Variants in LAMC3 observed in about 807,000 individuals in gnomAD.
LAMC3 encodes the protein laminin subunit gamma-3.
A neutral mutation model predicts 173.8 loss-of-function variants in LAMC3; 128 were observed. That is an observed-to-expected ratio of 0.74 (90% CI 0.64 to 0.85). LAMC3 has a LOEUF of 0.85. Ranked by LOEUF, LAMC3 falls within the 40% of genes least tolerant of loss-of-function variation. LAMC3 has a pLI of 0.00. For missense variants in LAMC3, 2,022 were observed against 2,156.0 expected, an observed-to-expected ratio of 0.94 and a Z score of 1.23; for synonymous variants, 897 against 909.1, an observed-to-expected ratio of 0.99 and a Z score of 0.24.
At position 131,091,558 on chromosome 9, in the gene LAMC3, C is replaced by A; in HGVS notation, c.4499C>A (p.Ala1500Asp). 1 of 1,586,028 alleles carries A rather than the reference C, an allele frequency of 6.3e-7. No homozygotes were observed. The change falls in exon 28 of 28, where the codon GCC (alanine) becomes GAC (aspartate). Residue 1500 changes from alanine (A) to aspartate (D), a missense_variant. Physicochemically the swap from Ala to Asp is moderately radical, Grantham distance 126. Coordinates refer to ENST00000361069, the MANE Select transcript of LAMC3 (RefSeq NM_006059.4). ...ACAGGGTCGCTGGACACCCATCAAG[C>A]CCCAGCCCAGGCCCTGAACGAGACT... Reference protein sequence around the residue: ...ARLGSLDTHQAPAQALNETQW... With the variant: ...ARLGSLDTHQDPAQALNETQW...
rs755142190 is a variant in LAMC3 at position 131,067,208 on chromosome 9, G to A, written c.2593+3G>A. ...TCGACCCGCAGACAAATGCATGCGT[G>A]AGTACCTACCTCCAGACCCCAGGGT... On this transcript the variant is annotated splice_donor_region_variant and intron_variant, in intron 14 of 27. Transcript: ENST00000361069. 6 of 1,612,882 alleles carry A rather than the reference G, an allele frequency of 3.7e-6. No homozygotes were observed.
chr9:131,066,831 C>T (rs1829942905), intron 13 of LAMC3, 129 bp from the exon 14 acceptor site: 1 of 1,288,754 alleles, frequency 7.8e-7, no homozygotes, highest in Non-Finnish European at 1.1e-6. Context: ...GGGCCGGTCC[C>T]AGGTCCTCCT....
intron 27 of LAMC3, among the ~76,000 whole-genome samples, chr9:131,090,864 TA>T (rs960734117): frequency 5.3e-4 from 24 of 45,408 alleles, no homozygotes; most frequent in Non-Finnish European, 1.0e-3. Flanking sequence ...CTGTCTCTAC[TA>T]AAAATACAAA....
At chr9:131,027,111 A>G (rs1198033437) in intron 2 of LAMC3, among the ~76,000 whole-genome samples, 2 of 152,216 alleles carry the variant, frequency 1.3e-5, no homozygotes, top group Non-Finnish European at 2.9e-5. Context: ...CGGGCTACTC[A>G]GTGGACCAGA....
intron 19 of LAMC3, among the ~76,000 whole-genome samples, 170 bp from the exon 20 acceptor site, chr9:131,073,075 G>A (rs531350748): frequency 1.3e-5 from 2 of 152,332 alleles, no homozygotes; most frequent in South Asian, 2.1e-4. Flanking sequence ...ATCCTTATTG[G>A]TGTTTCTGCA....
intron 14 of LAMC3, 81 bp from the exon 15 acceptor site, chr9:131,067,997 T>C (rs917521942): frequency 2.0e-5 from 29 of 1,456,850 alleles, no homozygotes; most frequent in Non-Finnish European, 2.5e-5. Flanking sequence ...CTCCCCCATC[T>C]CCTCTGCCTC....
At chr9:131,051,367 T>G (rs1227664202) in intron 9 of LAMC3, among the ~76,000 whole-genome samples, 1 of 103,516 alleles carries the variant, frequency 9.7e-6, no homozygotes, top group East Asian at 4.6e-4. Context: ...TTACCATTCT[T>G]TTTTTTTTTT....
At position 131,026,324 on chromosome 9, in the gene LAMC3, A is replaced by C; in HGVS notation, c.413A>C (p.His138Pro). The C allele has an allele frequency of 6.2e-7, 1 of 1,614,124 alleles. No individual in the cohort carries two copies. The highest frequency in any genetic ancestry group is 8.5e-7 in the Non-Finnish European group (1 of 1,180,012). Residue 138 changes from histidine (H) to proline (P), a missense_variant, in exon 2 of 28, where the codon CAC becomes CCC. Coordinates refer to ENST00000361069, the MANE Select transcript of LAMC3 (RefSeq NM_006059.4). The surrounding 1 kb of genome is among the most constrained non-coding windows in gnomAD (Gnocchi z 4.8). ...ATCACGTATGTGAGGCTGAAGTTCCACACCAGTCGCCCTGAGAGCTTTGCC... is the reference window on the plus strand; with the variant it reads ...ATCACGTATGTGAGGCTGAAGTTCCCCACCAGTCGCCCTGAGAGCTTTGCC... ...YEITYVRLKF[H>P]TSRPESFAIY...
At chr9:131,030,776 G>A (rs1833810202) in intron 2 of LAMC3, among the ~76,000 whole-genome samples, 1 of 152,210 alleles carries the variant, frequency 6.6e-6, no homozygotes, top group Admixed American at 6.5e-5. Flanking sequence ...GTTCAGCTCT[G>A]GACTGCGGGA....
chr9:131,049,148 TGGGGG>T lies in LAMC3; in HGVS notation c.1630+19_1630+23del. 6.9e-7 allele frequency: 1 copy of T among 1,458,666 alleles called. No homozygotes were observed. Among genetic ancestry groups the T allele is most frequent in the Non-Finnish European group, 9.4e-7 (1 of 1,061,938 alleles). The allele number at this position is 1,458,666 out of a possible 1,614,324, so 90.4% of individuals were successfully genotyped here. A position where few individuals can be genotyped will look rare whatever the true frequency, so the allele number is the denominator to read the frequency against. ...AGCACCAGGTACCTCCAGCACCAGG[TGGGGG>T]CTGGCCGCCCTGTGTCGGTTCCTCC... On this transcript the variant is annotated intron_variant, in intron 9 of 27. Transcript: ENST00000361069.
At chr9:131,081,497 G>C (rs1830241448) in intron 23 of LAMC3, among the ~76,000 whole-genome samples, 2 of 101,030 alleles carry the variant, frequency 2.0e-5, no homozygotes, top group South Asian at 6.5e-4. Context: ...TTTTTAGATG[G>C]AATCTTTATG....
chr9:131,052,914 G>A lies in LAMC3; in HGVS notation c.1888G>A (p.Ala630Thr), dbSNP rs757212621. The A allele has an allele frequency of 6.8e-6, 11 of 1,613,576 alleles. No individual in the cohort carries two copies. The highest frequency in any genetic ancestry group is 7.6e-6 in the Non-Finnish European group (9 of 1,179,998). ...CCCCTTCCACTTCCAGCGGCTCCTC[G>A]CCAACCTGACCAGCCTCCGCCTCCG... The part of the protein sequence containing the change: ...LPPFHFQRLL[A>T]NLTSLRLRVS... The change falls in exon 11 of 28, where the codon GCC becomes ACC. Residue 630 changes from alanine to threonine, a missense_variant. Transcript: ENST00000361069.
chr9:131,082,668 G>A (rs966874078), intron 24 of LAMC3, among the ~76,000 whole-genome samples: 1 of 152,252 alleles, frequency 6.6e-6, no homozygotes, highest in Non-Finnish European at 1.5e-5. Context: ...GGGAATAGAA[G>A]CCAGCAAGTA....
chr9:131,011,694 C>A (rs1268290401), intron 1 of LAMC3, among the ~76,000 whole-genome samples: 1 of 151,484 alleles, frequency 6.6e-6, no homozygotes, highest in African/African-American at 2.4e-5. Flanking sequence ...GGGGAGCTGT[C>A]TGGATGGAGC....
intron 7 of LAMC3, among the ~76,000 whole-genome samples, chr9:131,042,157 AT>A (rs1834068845): frequency 1.3e-5 from 2 of 152,016 alleles, no homozygotes; most frequent in Non-Finnish European, 2.9e-5. Flanking sequence ...ATGGAGCACT[AT>A]CACAGGCCTC....
At chr9:131,060,576 G>A (rs1829785886) in intron 12 of LAMC3, among the ~76,000 whole-genome samples, 1 of 152,080 alleles carries the variant, frequency 6.6e-6, no homozygotes, top group Non-Finnish European at 1.5e-5. Context: ...CCTGGGAAGT[G>A]GAGGTTGCAG....
chr9:131,044,949 G>A (rs1169758157), intron 7 of LAMC3, among the ~76,000 whole-genome samples: 2 of 152,256 alleles, frequency 1.3e-5, no homozygotes, highest in Non-Finnish European at 2.9e-5. Context: ...GTCGCTGGGC[G>A]CGGTGGCTCA....
intron 12 of LAMC3, among the ~76,000 whole-genome samples, chr9:131,058,306 G>A (rs1829734702): frequency 6.6e-6 from 1 of 151,970 alleles, no homozygotes; most frequent in Non-Finnish European, 1.5e-5. Flanking sequence ...AGTAGAGATG[G>A]CGTTTTACCA....
At chr9:131,056,837 C>A in intron 11 of LAMC3, 92 bp from the exon 12 acceptor site, 1 of 930,452 alleles carries the variant, frequency 1.1e-6, no homozygotes, top group Non-Finnish European at 1.8e-6. Context: ...TATACGTGGG[C>A]CTGGTCCATA....
Sources: allele counts gnomAD v4.1 joint callset (sites outside exome capture counted in the v4.1 genomes callset), GRCh38; gene constraint gnomAD v4.1.1; non-coding constraint Gnocchi (gnomAD v3.1); transcripts MANE v1.5; gene names NCBI Gene and HGNC (gene_info 2026-07-23, HGNC 2026-07-21).